The following SLC9C1 variants were observed in gnomAD, a reference collection of about 807,000 sequenced individuals.
SLC9C1 encodes solute carrier family 9 member C1, also known as sodium/hydrogen exchanger 10.
Under a neutral mutation model 140.9 loss-of-function variants are expected in SLC9C1, and 97 were observed. The observed-to-expected ratio is 0.69, with a 90% CI of 0.58 to 0.82. The LOEUF is 0.82. Ranked by LOEUF, SLC9C1 falls within the 40% of genes least tolerant of loss-of-function variation. SLC9C1 has a pLI of 0.00. For synonymous variants in SLC9C1, 440 were observed against 442.6 expected (o/e 0.99, Z 0.07); for missense variants, 1,340 against 1,389.3 (o/e 0.96, Z 0.56).
chr3:112,165,684 G>C (rs1379633951), intron 26 of SLC9C1, among the ~76,000 whole-genome samples: 3 of 152,178 alleles, frequency 2.0e-5, no homozygotes, highest in Non-Finnish European at 2.9e-5. Context: ...GTCCCTACTG[G>C]GGGGTGCCTC....
chr3:112,164,328 G>A (rs185301981), intron 26 of SLC9C1, among the ~76,000 whole-genome samples: 1 of 142,934 alleles, frequency 7.0e-6, no homozygotes, highest in Admixed American at 6.9e-5. Flanking sequence ...ATGTTAGCTG[G>A]TTATTTTGCT....
intron 6 of SLC9C1, among the ~76,000 whole-genome samples, chr3:112,274,272 C>T (rs1331741671): frequency 1.3e-5 from 2 of 151,966 alleles, no homozygotes; most frequent in Non-Finnish European, 2.9e-5. Context: ...AGTTATATAG[C>T]TGTATACATT....
intron 22 of SLC9C1, among the ~76,000 whole-genome samples, chr3:112,180,181 T>C (rs971198028): frequency 2.0e-5 from 3 of 152,164 alleles, no homozygotes; most frequent in African/African-American, 7.2e-5. Flanking sequence ...AATTATCAAT[T>C]TCATAAAGTT....
intron 10 of SLC9C1, among the ~76,000 whole-genome samples, chr3:112,246,374 A>G (rs2079284674): frequency 6.6e-6 from 1 of 152,196 alleles, no homozygotes; most frequent in Non-Finnish European, 1.5e-5. Flanking sequence ...ATTAAAAACT[A>G]TATTAAAAAA....
chr3:112,186,947 A>C (rs566450710), intron 20 of SLC9C1, among the ~76,000 whole-genome samples: 2 of 152,324 alleles, frequency 1.3e-5, no homozygotes, highest in South Asian at 4.1e-4. Flanking sequence ...GGCATTCTAA[A>C]TGGCATTGCT....
Position 112,228,147 on chromosome 3 carries a change from C to A in SLC9C1, c.1572+3214G>T, listed in dbSNP as rs2078729775. ...TTATAATACCCTAGTTCAAAATACACTACAACCAACAAGCTATAGCAACCA... is the reference window on the plus strand; with the variant it reads ...TTATAATACCCTAGTTCAAAATACAATACAACCAACAAGCTATAGCAACCA... On this transcript the variant is annotated intron_variant, in intron 13 of 28. Coordinates refer to ENST00000305815, the MANE Select transcript of SLC9C1 (RefSeq NM_183061.3). 1.3e-5 allele frequency among the ~76,000 whole-genome samples: 2 copies of A among 152,064 alleles called. 1 individual carries two copies. Among genetic ancestry groups the A allele is most frequent in the Admixed American group, 1.3e-4 (2 of 15,238 alleles).
In SLC9C1 at chr3:112,167,301, G is replaced by A. The variant is rs573214446; in HGVS notation, c.3284C>T (p.Pro1095Leu). The A allele has an allele frequency of 6.0e-5, 97 of 1,606,450 alleles. No individual in the cohort carries two copies. Among genetic ancestry groups the A allele is most frequent in the South Asian group, 1.7e-4 (15 of 89,920 alleles). Residue 1095 changes from proline to leucine, a missense_variant, in exon 26 of 29, where the codon CCG becomes CTG. Coordinates refer to ENST00000305815, the MANE Select transcript of SLC9C1 (RefSeq NM_183061.3). Reference sequence around the variant, plus strand: ...CCTTCTGAATGTTTTCATGTTAATCGGAGTTTGAATAATCACTACTTTTGT... The same window carrying A: ...CCTTCTGAATGTTTTCATGTTAATCAGAGTTTGAATAATCACTACTTTTGT... Reference protein sequence around the residue: ...DFTKVVIIQTPINMKTFRRNI... With the variant: ...DFTKVVIIQTLINMKTFRRNI...
At position 112,185,933 on chromosome 3, in the gene SLC9C1, C is replaced by A; in HGVS notation, c.2524-3675G>T. ...ACCGCCCCGCCGGGAAATAGCCAGGCGGCAGCAGTAGCTTGGGGTGGTGGG... is the reference window on the plus strand; with the variant it reads ...ACCGCCCCGCCGGGAAATAGCCAGGAGGCAGCAGTAGCTTGGGGTGGTGGG... On this transcript the variant is annotated intron_variant, in intron 20 of 28. Coordinates refer to ENST00000305815, the MANE Select transcript of SLC9C1 (RefSeq NM_183061.3). The A allele has an allele frequency of 1.9e-6, 3 of 1,565,802 alleles. No individual in the cohort carries two copies. The South Asian group carries it at 3.5e-5, about 18-fold the overall frequency.
chr3:112,160,988 T>A (rs1338535445), intron 26 of SLC9C1, among the ~76,000 whole-genome samples: 1 of 152,218 alleles, frequency 6.6e-6, no homozygotes, highest in Admixed American at 6.5e-5. Context: ...GGTATCTCAT[T>A]GTGGTTTTGA....
At chr3:112,187,927 T>C (rs1055098142) in intron 20 of SLC9C1, among the ~76,000 whole-genome samples, 1 of 151,992 alleles carries the variant, frequency 6.6e-6, no homozygotes, top group African/African-American at 2.4e-5. Context: ...ATAGTGTATC[T>C]TGGTGAATTT....
At chr3:112,206,229 C>A (rs986437622) in intron 16 of SLC9C1, among the ~76,000 whole-genome samples, 16 of 151,524 alleles carry the variant, frequency 1.1e-4, no homozygotes, top group African/African-American at 3.4e-4. Flanking sequence ...ATTTATGCAG[C>A]CAATAGATGC....
At chr3:112,290,978 G>C in intron 1 of SLC9C1, among the ~76,000 whole-genome samples, 1 of 151,902 alleles carries the variant, frequency 6.6e-6, no homozygotes, top group South Asian at 2.1e-4. Context: ...CATACCATAG[G>C]GTCTGGGTTC....
At chr3:112,286,385 A>C (rs1559755139) in intron 2 of SLC9C1, among the ~76,000 whole-genome samples, 1 of 152,172 alleles carries the variant, frequency 6.6e-6, no homozygotes, top group Non-Finnish European at 1.5e-5. Flanking sequence ...CCTATGGGAC[A>C]CCCTGCCCCA....
Position 112,208,241 on chromosome 3 carries a change from G to A in SLC9C1, c.1923C>T (p.His641=). ...SWISQLNVIY[H]SELKHTNYCF... ...AGTAGTTAGTGTGTTTTAATTCGCT[G>A]TGGTAGATTACATTTAACTGGGATA... Residue 641 remains histidine (H), a synonymous_variant, in exon 16 of 29, where the codon CAC becomes CAT. Transcript: ENST00000305815. 6.2e-7 allele frequency: 1 copy of A among 1,611,884 alleles called. No homozygotes were observed. The highest frequency in any genetic ancestry group is 8.5e-7 in the Non-Finnish European group (1 of 1,178,962).
Position 112,217,472 on chromosome 3 carries a change from T to A in SLC9C1, c.1760A>T (p.Asn587Ile), listed in dbSNP as rs1007697804. 1 of 1,606,840 alleles carries A rather than the reference T, an allele frequency of 6.2e-7. No individual in the cohort carries two copies. The highest frequency in any genetic ancestry group is 1.1e-5 in the South Asian group (1 of 88,798). ...ARKLLLNWVY[N>I]TRKEKEGPSK... ...TGGGCCCTCTTTTTCCTTTCTGGTA[T>A]TATACACCCAATTAAGTAGTAGTTT... is the stretch of plus-strand genomic sequence containing the variant. Residue 587 changes from asparagine to isoleucine, a missense_variant, in exon 15 of 29, where the codon AAT (asparagine) becomes ATT (isoleucine). Physicochemically the swap from Asn to Ile is moderately radical, Grantham distance 149. Coordinates refer to ENST00000305815, the MANE Select transcript of SLC9C1 (RefSeq NM_183061.3).
intron 26 of SLC9C1, among the ~76,000 whole-genome samples, chr3:112,163,665 A>T (rs2075374701): frequency 6.6e-6 from 1 of 151,938 alleles, no homozygotes; most frequent in Non-Finnish European, 1.5e-5. Context: ...GTTCTTTTAC[A>T]TTTGCTGAGG....
At chr3:112,260,150 AG>A (rs2079732155) in intron 10 of SLC9C1, among the ~76,000 whole-genome samples, 1 of 152,122 alleles carries the variant, frequency 6.6e-6, no homozygotes, top group African/African-American at 2.4e-5. Context: ...TAGGTTTATC[AG>A]TTTTTGCTTC....
chr3:112,180,709 G>A (rs773293367), intron 21 of SLC9C1, 47 bp from the exon 22 acceptor site: 2 of 1,475,900 alleles, frequency 1.4e-6, no homozygotes, highest in Admixed American at 3.8e-5. Context: ...CATTTTAGAA[G>A]TGGTTGGGAA....
chr3:112,181,936 A>T (rs2077447522), intron 21 of SLC9C1, among the ~76,000 whole-genome samples, 197 bp downstream of exon 21: 1 of 152,210 alleles, frequency 6.6e-6, no homozygotes, highest in African/African-American at 2.4e-5. Flanking sequence ...TGGAAAACAG[A>T]AGACAAAGCT....
Sources: allele counts gnomAD v4.1 joint callset (sites outside exome capture counted in the v4.1 genomes callset), GRCh38; gene constraint gnomAD v4.1.1; transcripts MANE v1.5; gene names NCBI Gene and HGNC (gene_info 2026-07-23, HGNC 2026-07-21).